NEK11: variants seen among roughly 807,000 people sequenced by gnomAD.
NEK11 encodes the protein serine/threonine-protein kinase Nek11.
A neutral mutation model predicts 80.7 loss-of-function variants in NEK11; 72 were observed. That is an observed-to-expected ratio of 0.89 (90% CI 0.74 to 1.08). NEK11 has a LOEUF of 1.08. Ranked by LOEUF, NEK11 falls within the 50% of genes least tolerant of loss-of-function variation. The probability of loss-of-function intolerance (pLI) is 0.00; values close to 1 mark genes in which losing one functional copy is unlikely to be tolerated. For synonymous variants in NEK11, 251 were observed against 260.7 expected, an observed-to-expected ratio of 0.96 and a Z score of 0.36; for missense variants, 764 against 763.6, an observed-to-expected ratio of 1.00 and a Z score of -0.01.
At chr3:131,308,410 C>G (rs1034388026) in intron 17 of NEK11, among the ~76,000 whole-genome samples, 1 of 152,164 alleles carries the variant, frequency 6.6e-6, no homozygotes, top group Non-Finnish European at 1.5e-5. Flanking sequence ...CAACTTTACA[C>G]TCTGGCATGA....
intron 17 of NEK11, among the ~76,000 whole-genome samples, chr3:131,306,454 TCA>T (rs2096724567): frequency 6.6e-6 from 1 of 152,196 alleles, no homozygotes; most frequent in African/African-American, 2.4e-5. Flanking sequence ...TTCTCAGTTC[TCA>T]GTTTCTCAGG....
At chr3:131,071,433 T>C (rs933678795) in intron 3 of NEK11, among the ~76,000 whole-genome samples, 2 of 151,948 alleles carry the variant, frequency 1.3e-5, no homozygotes, top group African/African-American at 4.8e-5. Flanking sequence ...AATCTTTATA[T>C]TTTTTGATTG....
At chr3:131,080,618 T>G (rs1233536061) in intron 4 of NEK11, 30 bp downstream of exon 4, 1 of 1,571,412 alleles carries the variant, frequency 6.4e-7, no homozygotes. Flanking sequence ...TTGGAAGTCT[T>G]TATAAAAACT....
intron 17 of NEK11, among the ~76,000 whole-genome samples, chr3:131,346,543 C>T (rs147179676): frequency 2.0e-4 from 31 of 152,062 alleles, no homozygotes; most frequent in South Asian, 6.2e-4. Context: ...AGTAGGTATA[C>T]GACTGAGTTT....
intron 4 of NEK11, among the ~76,000 whole-genome samples, chr3:131,080,840 T>G (rs1487634571): frequency 6.6e-6 from 1 of 152,186 alleles, no homozygotes; most frequent in East Asian, 1.9e-4. Context: ...CCAGGTGTGG[T>G]GGCTCATACT....
At chr3:131,280,363 A>T (rs2096376375) in intron 17 of NEK11, among the ~76,000 whole-genome samples, 1 of 149,450 alleles carries the variant, frequency 6.7e-6, no homozygotes, top group Non-Finnish European at 1.5e-5. Context: ...TACTGGTGCT[A>T]TGCTCTTTTT....
At chr3:131,035,423 A>G (rs960989606) in intron 3 of NEK11, among the ~76,000 whole-genome samples, 37 of 152,208 alleles carry the variant, frequency 2.4e-4, no homozygotes, top group Non-Finnish European at 4.7e-4. Flanking sequence ...AAAGCTCTCC[A>G]TACTCCAGTT....
intron 4 of NEK11, among the ~76,000 whole-genome samples, chr3:131,102,160 T>G (rs192035278): frequency 1.5e-4 from 23 of 152,288 alleles, no homozygotes; most frequent in African/African-American, 5.5e-4. Context: ...TGCTTTTATA[T>G]GGGATGTTTA....
At chr3:131,067,556 A>G (rs2072268538) in intron 3 of NEK11, among the ~76,000 whole-genome samples, 1 of 152,236 alleles carries the variant, frequency 6.6e-6, no homozygotes, top group East Asian at 1.9e-4. Context: ...AATAGTACTA[A>G]TAGTAATAAT....
intron 17 of NEK11, among the ~76,000 whole-genome samples, chr3:131,349,245 G>A (rs1446651801): frequency 1.3e-5 from 2 of 151,880 alleles, no homozygotes; most frequent in African/African-American, 4.8e-5. Context: ...ATATACATAC[G>A]TTTATATAAA....
chr3:131,134,970 T>G (rs984721992), intron 7 of NEK11, among the ~76,000 whole-genome samples: 9 of 152,244 alleles, frequency 5.9e-5, no homozygotes, highest in Non-Finnish European at 1.5e-5. Flanking sequence ...GGCTTGTTAA[T>G]TAAGTAAATA....
intron 16 of NEK11, among the ~76,000 whole-genome samples, chr3:131,263,049 A>T (rs1581078738): frequency 6.6e-6 from 1 of 151,964 alleles, no homozygotes; most frequent in Admixed American, 6.6e-5. Flanking sequence ...ACATTTTTTT[A>T]AATTATACTT....
intron 16 of NEK11, among the ~76,000 whole-genome samples, chr3:131,246,865 G>A (rs2095610732): frequency 6.6e-6 from 1 of 152,022 alleles, no homozygotes; most frequent in Non-Finnish European, 1.5e-5. Context: ...CTGATACTTA[G>A]TGATGTTGAG....
chr3:131,045,679 C>G (rs1476131543), intron 3 of NEK11, among the ~76,000 whole-genome samples: 1 of 151,986 alleles, frequency 6.6e-6, no homozygotes, highest in Non-Finnish European at 1.5e-5. Context: ...ATCTTGCTGA[C>G]CTGTCTATTG....
rs2097428778 is a variant in NEK11, at chr3:131,349,952, T to C, written c.*176T>C. On this transcript the variant is annotated 3_prime_UTR_variant, in exon 18 of 18. Transcript: ENST00000383366. Reference sequence around the variant, plus strand: ...AGAGAGTAGTAAGCATGGCTGCCTATGCTTGGAGTCATAAGTGTTATTTGG... The same window carrying C: ...AGAGAGTAGTAAGCATGGCTGCCTACGCTTGGAGTCATAAGTGTTATTTGG... 2 of 602,154 alleles carry C rather than the reference T, an allele frequency of 3.3e-6. No homozygotes were observed. The highest frequency in any genetic ancestry group is 5.9e-6 in the Non-Finnish European group (2 of 341,364). The allele number at this position is 602,154 out of a possible 1,614,324, so 37.3% of individuals were successfully genotyped here. A position where few individuals can be genotyped will look rare whatever the true frequency, so the allele number is the denominator to read the frequency against.
chr3:131,052,215 C>CT (rs937405016), intron 3 of NEK11, among the ~76,000 whole-genome samples: 39 of 136,654 alleles, frequency 2.9e-4, no homozygotes, highest in Middle Eastern at 7.6e-3. Flanking sequence ...TTTCCCCATT[C>CT]TTTTTTTTTT....
chr3:131,334,735 GA>G (rs1305204824), intron 17 of NEK11, among the ~76,000 whole-genome samples: 1 of 151,634 alleles, frequency 6.6e-6, no homozygotes, highest in Non-Finnish European at 1.5e-5. Flanking sequence ...GATTAATAAA[GA>G]AAAAAAGGGA....
At chr3:131,311,667 T>C (rs1375776235) in intron 17 of NEK11, among the ~76,000 whole-genome samples, 1 of 152,216 alleles carries the variant, frequency 6.6e-6, no homozygotes, top group East Asian at 1.9e-4. Flanking sequence ...CATGGATGAT[T>C]GTGGAAGAGC....
chr3:131,133,930 A>G lies in NEK11; in HGVS notation c.621A>G (p.Gln207=), dbSNP rs538023334. The G allele has an allele frequency of 1.8e-4, 295 of 1,611,390 alleles. No homozygotes were observed. The South Asian group carries it at 3.1e-3, about 17-fold the overall frequency. Residue 207 remains glutamine, a synonymous_variant, in exon 7 of 18, where the codon CAA becomes CAG. Coordinates refer to ENST00000383366, the MANE Select transcript of NEK11 (RefSeq NM_024800.5). ...HYMSPEALKH[Q]GYDTKSDIWS... is the part of the protein sequence containing the mutation. Reference sequence around the variant, plus strand: ...TGAGTCCTGAGGCTCTGAAACACCAAGGCTATGACACAAAGTCGGACATCT... The same window carrying G: ...TGAGTCCTGAGGCTCTGAAACACCAGGGCTATGACACAAAGTCGGACATCT...
Sources: allele counts gnomAD v4.1 joint callset (sites outside exome capture counted in the v4.1 genomes callset), GRCh38; gene constraint gnomAD v4.1.1; transcripts MANE v1.5; gene names NCBI Gene and HGNC (gene_info 2026-07-23, HGNC 2026-07-21).